Variants in SLC22A11 observed in about 807,000 individuals in gnomAD.
SLC22A11 encodes organic anion transporter 4.
In SLC22A11, 42 loss-of-function variants were observed where a neutral mutation model predicts 49.4. That is an observed-to-expected ratio of 0.85 (90% CI 0.66 to 1.10). The LOEUF (loss-of-function observed/expected upper bound fraction) is 1.10, where lower values mean the gene tolerates loss of function less well. Among genes scored for constraint, SLC22A11 ranks in the 50% least tolerant of loss-of-function variants. The pLI, the probability that SLC22A11 is intolerant of heterozygous loss-of-function variation, is 0.00. For missense variants in SLC22A11, 685 were observed against 731.6 expected, an observed-to-expected ratio of 0.94 and a Z score of 0.74; for synonymous variants, 304 against 315.8, an observed-to-expected ratio of 0.96 and a Z score of 0.40.
intron 1 of SLC22A11, among the ~76,000 whole-genome samples, chr11:64,558,144 A>T (rs1277975922): frequency 6.6e-6 from 1 of 152,172 alleles, no homozygotes; most frequent in South Asian, 2.1e-4. Context: ...TACATGGCCC[A>T]GGCTGGTCTT....
intron 1 of SLC22A11, 110 bp downstream of exon 1, chr11:64,556,502 G>A (rs1294413067): frequency 2.0e-6 from 3 of 1,478,516 alleles, no homozygotes; most frequent in Admixed American, 2.0e-5. Context: ...GCCTCCTCTC[G>A]AGCCTCTCAG....
At position 64,565,635 on chromosome 11, in the gene SLC22A11, G is replaced by C; in HGVS notation, c.1058+298G>C. On this transcript the variant is annotated intron_variant, in intron 6 of 9. Coordinates refer to ENST00000301891, the MANE Select transcript of SLC22A11 (RefSeq NM_018484.4). The surrounding 1 kb of genome is among the most constrained non-coding windows in gnomAD (Gnocchi z 4.1). ...AGGTCCCAAGACAGAGGCAGAGCCA[G>C]GGTCCCTAGAGCCAGGGGACCAGCC... The C allele has an allele frequency of 2.0e-6, 1 of 499,542 alleles. No homozygotes were observed. Among genetic ancestry groups the C allele is most frequent in the Non-Finnish European group, 3.9e-6 (1 of 257,308 alleles). The allele number at this position is 499,542 out of a possible 1,614,324, so 30.9% of individuals were successfully genotyped here.
chr11:64,558,456 T>TTGGGGA (rs2135419639), intron 1 of SLC22A11, among the ~76,000 whole-genome samples: 1 of 152,206 alleles, frequency 6.6e-6, no homozygotes, highest in East Asian at 1.9e-4. Flanking sequence ...GAGGACGGAC[T>TTGGGGA]TGGGGATGGG....
At chr11:64,569,313 T>C (rs996388958) in intron 8 of SLC22A11, among the ~76,000 whole-genome samples, 16 of 152,350 alleles carry the variant, frequency 1.1e-4, no homozygotes, top group African/African-American at 3.8e-4. Flanking sequence ...ACTCACTCAT[T>C]TCTCCATATT....
Position 64,564,247 on chromosome 11 carries a change from C to G in SLC22A11, c.822-61C>G. ...GAGGGTCCGTGCCCACTGCCCCTTT[C>G]CACCCCGCCCCGGGGGAGAGCCCAG... On this transcript the variant is annotated intron_variant, in intron 4 of 9. Transcript: ENST00000301891. This position sits in a 1 kb window ranked among gnomAD's most constrained non-coding sequence, Gnocchi z 4.2. 6.2e-7 allele frequency: 1 copy of G among 1,601,476 alleles called. No individual in the cohort carries two copies. The highest frequency in any genetic ancestry group is 8.5e-7 in the Non-Finnish European group (1 of 1,173,700).
Position 64,565,088 on chromosome 11 carries a change from G to C in SLC22A11, c.943-134G>C. 1 of 664,506 alleles carries C rather than the reference G, an allele frequency of 1.5e-6. No homozygotes were observed. The highest frequency in any genetic ancestry group is 2.6e-6 in the Non-Finnish European group (1 of 391,582). The allele number at this position is 664,506 out of a possible 1,614,324, so 41.2% of individuals were successfully genotyped here. On this transcript the variant is annotated intron_variant, in intron 5 of 9. Transcript: ENST00000301891. The surrounding 1 kb of genome is among the most constrained non-coding windows in gnomAD (Gnocchi z 4.1). ...GCCCCATCCCCTCCCCTTCCCCTAGGGATCCAGCTTCCAGAGGCCGAGGCC... is the reference window on the plus strand; with the variant it reads ...GCCCCATCCCCTCCCCTTCCCCTAGCGATCCAGCTTCCAGAGGCCGAGGCC...
In SLC22A11 at chr11:64,562,155, CTGAG is replaced by C; in HGVS notation, c.652+3_652+6del. ...CGGCATCTTTCTGAGTTCACTGACA[CTGAG>C]TGAGTCCCCGGCTCAGCGCGCTCCT... On this transcript the variant is annotated splice_donor_variant and coding_sequence_variant, in exon 3 of 10. Transcript: ENST00000301891. LOFTEE classifies it high-confidence loss of function. This position sits in a 1 kb window ranked among gnomAD's most constrained non-coding sequence, Gnocchi z 4.4. The C allele has an allele frequency of 6.2e-7, 1 of 1,613,482 alleles. No individual in the cohort carries two copies. Among genetic ancestry groups the C allele is most frequent in the Non-Finnish European group, 8.5e-7 (1 of 1,179,884 alleles).
Position 64,562,269 on chromosome 11 carries a change from G to A in SLC22A11, c.655G>A (p.Val219Met), listed in dbSNP as rs1346233595. ...GIFLSSLTLM[V>M]EWTTTSRRAV... Reference sequence around the variant, plus strand: ...CTGCACGTGTCTGCATCCTTCAGTGGTGGAGTGGACCACGACCAGCAGGAG... The same window carrying A: ...CTGCACGTGTCTGCATCCTTCAGTGATGGAGTGGACCACGACCAGCAGGAG... Residue 219 changes from valine to methionine, a missense_variant and splice_region_variant, in exon 4 of 10, where the codon GTG (valine) becomes ATG (methionine). Val to Met is a conservative substitution (Grantham distance 21, BLOSUM62 1). Transcript: ENST00000301891. The surrounding 1 kb of genome is among the most constrained non-coding windows in gnomAD (Gnocchi z 4.4). 6.2e-7 allele frequency: 1 copy of A among 1,603,318 alleles called. No individual in the cohort carries two copies. The highest frequency in any genetic ancestry group is 1.1e-5 in the South Asian group (1 of 90,358).
At chr11:64,569,922 C>T in intron 9 of SLC22A11, 64 bp downstream of exon 9, 1 of 1,525,202 alleles carries the variant, frequency 6.6e-7, no homozygotes, top group Non-Finnish European at 9.0e-7. Flanking sequence ...TGGAGACAGG[C>T]CTGGGCTGCC....
rs753608518 is a variant in SLC22A11, at chr11:64,570,984, C to G, written c.1595C>G (p.Ser532Ter). 3 of 1,614,204 alleles carry G rather than the reference C, an allele frequency of 1.9e-6. No individual in the cohort carries two copies. Among genetic ancestry groups the G allele is most frequent in the South Asian group, 2.2e-5 (2 of 91,078 alleles). ...TTTTCTTTGGATTATTCTAGGAAATCAACAGCAGCCCAGGGCAACCGGCAA... is the reference window on the plus strand; with the variant it reads ...TTTTCTTTGGATTATTCTAGGAAATGAACAGCAGCCCAGGGCAACCGGCAA... ...DTIQDLESQK[S>*]TAAQGNRQEA... Residue 532 changes from serine (S) to a stop codon, truncating the protein, a stop_gained, in exon 10 of 10, where the codon TCA becomes TGA. Coordinates refer to ENST00000301891, the MANE Select transcript of SLC22A11 (RefSeq NM_018484.4). LOFTEE classifies it low-confidence loss of function (END_TRUNC).
chr11:64,561,645 T>G (rs1320084222), intron 2 of SLC22A11, among the ~76,000 whole-genome samples: 2 of 145,270 alleles, frequency 1.4e-5, no homozygotes, highest in African/African-American at 5.4e-5. Flanking sequence ...ATTTATTTAT[T>G]TATTTAGTAG....
At chr11:64,567,570 A>G in intron 6 of SLC22A11, 29 bp from the exon 7 acceptor site, 1 of 1,606,122 alleles carries the variant, frequency 6.2e-7, no homozygotes, top group Non-Finnish European at 8.5e-7. Flanking sequence ...CCGGCAGGGC[A>G]GGGACCTGAC....
At position 64,564,512 on chromosome 11, in the gene SLC22A11, C is replaced by T; in HGVS notation, c.942+84C>T. 6.6e-7 allele frequency: 1 copy of T among 1,519,050 alleles called. No individual in the cohort carries two copies. Among genetic ancestry groups the T allele is most frequent in the Non-Finnish European group, 9.0e-7 (1 of 1,114,374 alleles). 94.1% of individuals were successfully genotyped at this position (1,519,050 alleles called of 1,614,324 possible). A position where few individuals can be genotyped will look rare whatever the true frequency, so the allele number is the denominator to read the frequency against. On this transcript the variant is annotated intron_variant, in intron 5 of 9. Coordinates refer to ENST00000301891, the MANE Select transcript of SLC22A11 (RefSeq NM_018484.4). This position sits in a 1 kb window ranked among gnomAD's most constrained non-coding sequence, Gnocchi z 4.2. ...CCGTGTGGCCTCCAACAGCACCACC[C>T]ACTCCAGCACCACCTCCACCAGCAC...
intron 8 of SLC22A11, 82 bp downstream of exon 8, chr11:64,568,860 GC>G: frequency 7.5e-7 from 1 of 1,335,528 alleles, no homozygotes; most frequent in Non-Finnish European, 1.1e-6. Flanking sequence ...GGGTCTGGCA[GC>G]CAGGGAAATG....
chr11:64,568,612 A>T (rs1350850284), intron 7 of SLC22A11, 58 bp from the exon 8 acceptor site: 2 of 1,440,668 alleles, frequency 1.4e-6, no homozygotes, highest in Non-Finnish European at 2.0e-6. Flanking sequence ...CCGCACACTG[A>T]CTAGCCCCTG....
chr11:64,570,891 C>A, intron 9 of SLC22A11, 88 bp from the exon 10 acceptor site: 1 of 1,287,754 alleles, frequency 7.8e-7, no homozygotes, highest in Non-Finnish European at 1.1e-6. Context: ...AGTTTACCCC[C>A]CAATAAGACT....
intron 7 of SLC22A11, 28 bp from the exon 8 acceptor site, chr11:64,568,642 C>A: frequency 1.3e-6 from 2 of 1,598,994 alleles, no homozygotes; most frequent in Non-Finnish European, 1.7e-6. Flanking sequence ...CAGGGCAAAC[C>A]CCACTCTCAC....
At chr11:64,568,998 A>AG (rs561563681) in intron 8 of SLC22A11, among the ~76,000 whole-genome samples, 406 of 152,330 alleles carry the variant, frequency 2.7e-3, no homozygotes, top group African/African-American at 9.2e-3. Flanking sequence ...TTTGAGCCAC[A>AG]GAGTCATCTG....
intron 1 of SLC22A11, among the ~76,000 whole-genome samples, chr11:64,558,375 C>T (rs753097165): frequency 7.9e-5 from 12 of 152,200 alleles, no homozygotes; most frequent in Non-Finnish European, 1.6e-4. Flanking sequence ...GGGGAGCCCA[C>T]TGGAGGCTAC....
Sources: allele counts gnomAD v4.1 joint callset (sites outside exome capture counted in the v4.1 genomes callset), GRCh38; gene constraint gnomAD v4.1.1; non-coding constraint Gnocchi (gnomAD v3.1); transcripts MANE v1.5; gene names NCBI Gene and HGNC (gene_info 2026-07-23, HGNC 2026-07-21).